The following ADAM10 variants were observed in gnomAD, a reference collection of about 807,000 sequenced individuals.
The protein encoded by ADAM10 is ADAM metallopeptidase domain 10, also known as disintegrin and metalloproteinase domain-containing protein 10.
A neutral mutation model predicts 90.1 loss-of-function variants in ADAM10; 17 were observed. The ratio of observed to expected loss-of-function variants is 0.19; its 90% CI spans 0.13 to 0.28. ADAM10 has a LOEUF of 0.28. ADAM10 is among the 10% of genes least tolerant of loss of function. The probability of loss-of-function intolerance (pLI) is 1.00; values close to 1 mark genes in which losing one functional copy is unlikely to be tolerated. For synonymous variants in ADAM10, 310 were observed against 298.6 expected (o/e 1.04, Z -0.40); for missense variants, 610 against 914.3 (o/e 0.67, Z 4.29).
chr15:58,719,763 A>G (rs765588478), intron 1 of ADAM10, among the ~76,000 whole-genome samples: 2 of 152,128 alleles, frequency 1.3e-5, no homozygotes, highest in African/African-American at 2.4e-5. Flanking sequence ...ACTACCTTCA[A>G]TCATTAGTTG....
At chr15:58,598,237 GT>G (rs1191175028) in intron 15 of ADAM10, among the ~76,000 whole-genome samples, 1 of 152,182 alleles carries the variant, frequency 6.6e-6, no homozygotes, top group Non-Finnish European at 1.5e-5. Context: ...AGTTTTCTAA[GT>G]TTTTAAAGGT....
chr15:58,611,142 C>A, intron 12 of ADAM10, 35 bp from the exon 13 acceptor site: 2 of 1,490,942 alleles, frequency 1.3e-6, no homozygotes, highest in Non-Finnish European at 1.9e-6. Context: ...TGTTTAATCC[C>A]TATACAGTCA....
At chr15:58,632,736 A>T (rs1189936152) in intron 9 of ADAM10, among the ~76,000 whole-genome samples, 1 of 152,246 alleles carries the variant, frequency 6.6e-6, no homozygotes, top group African/African-American at 2.4e-5. Context: ...TTAAATTATC[A>T]ATCTCATTCC....
intron 11 of ADAM10, among the ~76,000 whole-genome samples, chr15:58,619,758 G>C (rs1324121710): frequency 6.6e-6 from 1 of 152,012 alleles, no homozygotes; most frequent in Admixed American, 6.5e-5. Context: ...CAAAAAATTA[G>C]CCAGGCGTGG....
At chr15:58,684,716 G>A (rs1447626176) in intron 2 of ADAM10, among the ~76,000 whole-genome samples, 4 of 152,212 alleles carry the variant, frequency 2.6e-5, no homozygotes, top group African/African-American at 4.8e-5. Context: ...CTGTCAGCCA[G>A]GTTAACAAAT....
intron 2 of ADAM10, among the ~76,000 whole-genome samples, chr15:58,710,381 T>C (rs934506238): frequency 7.9e-5 from 12 of 152,252 alleles, no homozygotes; most frequent in Admixed American, 5.2e-4. Context: ...TTGTCAGCAA[T>C]ATTAGTTACT....
chr15:58,628,966 T>G (rs570779263), intron 9 of ADAM10, among the ~76,000 whole-genome samples: 1 of 152,360 alleles, frequency 6.6e-6, no homozygotes, highest in East Asian at 1.9e-4. Context: ...TGAATCTAGA[T>G]GCAGCATTTA....
chr15:58,691,166 C>G (rs768958196), intron 2 of ADAM10: 4 of 708,530 alleles, frequency 5.6e-6, no homozygotes, highest in Non-Finnish European at 1.1e-5. Context: ...AGATTGTCAC[C>G]CGCTCAACCT....
At chr15:58,726,900 G>C (rs1189276449) in intron 1 of ADAM10, among the ~76,000 whole-genome samples, 1 of 150,980 alleles carries the variant, frequency 6.6e-6, no homozygotes, top group Admixed American at 6.6e-5. Flanking sequence ...AGGAGGGGAG[G>C]GGAGGGGAGG....
chr15:58,701,608 C>G (rs1430309734), intron 2 of ADAM10, among the ~76,000 whole-genome samples: 2 of 152,074 alleles, frequency 1.3e-5, no homozygotes, highest in Non-Finnish European at 2.9e-5. Flanking sequence ...ATAGAATTAC[C>G]ACATGATCCG....
In ADAM10 at chr15:58,679,176, A is replaced by C; in HGVS notation, c.432T>G (p.Ile144Met). ...AGTGAAATGGCAGAGTTCGGTCTTT[A>C]ATATATCTCTCTGCTGGCTCAACAT... ...TFYVEPAERYIKDRTLPFHSV... is the reference protein window; with the variant it reads ...TFYVEPAERYMKDRTLPFHSV... Residue 144 changes from isoleucine to methionine, a missense_variant, in exon 4 of 16, where the codon ATT becomes ATG. Ile to Met is a conservative substitution (Grantham distance 10). Transcript: ENST00000260408. The C allele has an allele frequency of 6.2e-7, 1 of 1,614,030 alleles. No homozygotes were observed. Among genetic ancestry groups the C allele is most frequent in the Non-Finnish European group, 8.5e-7 (1 of 1,179,984 alleles).
At chr15:58,652,857 C>A (rs1022230036) in intron 5 of ADAM10, among the ~76,000 whole-genome samples, 1 of 152,286 alleles carries the variant, frequency 6.6e-6, no homozygotes, top group South Asian at 2.1e-4. Context: ...GATATACGAA[C>A]ATAGAATATC....
intron 2 of ADAM10, among the ~76,000 whole-genome samples, chr15:58,708,574 G>A (rs142813986): frequency 6.6e-5 from 10 of 152,218 alleles, no homozygotes; most frequent in African/African-American, 2.2e-4. Context: ...GAAGTGGGAG[G>A]ACTGCTTGAG....
intron 2 of ADAM10, among the ~76,000 whole-genome samples, chr15:58,698,752 A>T (rs932853646): frequency 6.6e-6 from 1 of 152,186 alleles, no homozygotes; most frequent in Non-Finnish European, 1.5e-5. Flanking sequence ...ATAATCCAAT[A>T]ACATAAAAAT....
intron 2 of ADAM10, among the ~76,000 whole-genome samples, chr15:58,685,046 A>G (rs912844804): frequency 1.3e-5 from 2 of 152,060 alleles, no homozygotes; most frequent in Admixed American, 6.6e-5. Context: ...TAATTTGCTT[A>G]TGGTACATAA....
At position 58,667,289 on chromosome 15, in the gene ADAM10, C is replaced by CT. The variant is rs577853681; in HGVS notation, c.485-2093dup. Among the ~76,000 whole-genome samples the CT allele has an allele frequency of 1.8e-3, 276 of 152,260 alleles. 1 individual carries two copies. Among genetic ancestry groups the CT allele is most frequent in the Non-Finnish European group, 3.1e-3 (211 of 68,006 alleles). On this transcript the variant is annotated intron_variant, in intron 4 of 15. Coordinates refer to ENST00000260408, the MANE Select transcript of ADAM10 (RefSeq NM_001110.4). ...TATAAATAGTACATATATTGTGACT[C>CT]TAACTCAAGCAGGAAATAGCTCTAG...
At position 58,686,998 on chromosome 15, in the gene ADAM10, G is replaced by A. The variant is rs567453958; in HGVS notation, c.207-4684C>T. Among the ~76,000 whole-genome samples, 232 of 152,248 alleles carry A rather than the reference G, an allele frequency of 1.5e-3. 1 individual carries two copies. The highest frequency in any genetic ancestry group is 5.2e-3 in the African/African-American group (217 of 41,552). ...ACATTTTAGGAAGGAAAATAGTTTT[G>A]TTTATTTAAACAATCGAATACTTGT... On this transcript the variant is annotated intron_variant, in intron 2 of 15. Coordinates refer to ENST00000260408, the MANE Select transcript of ADAM10 (RefSeq NM_001110.4).
At chr15:58,619,432 C>T (rs1428661575) in intron 11 of ADAM10, among the ~76,000 whole-genome samples, 1 of 152,018 alleles carries the variant, frequency 6.6e-6, no homozygotes, top group East Asian at 1.9e-4. Context: ...CTACAATTAG[C>T]AATAACTAAT....
intron 14 of ADAM10, chr15:58,609,811 T>G (rs1895386059): frequency 6.0e-6 from 1 of 166,068 alleles, no homozygotes; most frequent in South Asian, 1.5e-4. Flanking sequence ...TGGATGAACA[T>G]CCATAATCAT....
Sources: allele counts gnomAD v4.1 joint callset (sites outside exome capture counted in the v4.1 genomes callset), GRCh38; gene constraint gnomAD v4.1.1; transcripts MANE v1.5; gene names NCBI Gene and HGNC (gene_info 2026-07-23, HGNC 2026-07-21).